The following PILRA variants were observed in gnomAD, a reference collection of about 807,000 sequenced individuals.
The protein encoded by PILRA is paired immunoglobulin-like type 2 receptor alpha.
A neutral mutation model predicts 33.1 loss-of-function variants in PILRA; 37 were observed. The ratio of observed to expected loss-of-function variants is 1.12; its 90% CI spans 0.86 to 1.47. PILRA has a LOEUF of 1.47. Among genes scored for constraint, PILRA ranks in the 40% most tolerant of loss-of-function variants. The pLI, the probability that PILRA is intolerant of heterozygous loss-of-function variation, is 0.00. For missense variants in PILRA, 312 were observed against 376.2 expected (o/e 0.83, Z 1.41); for synonymous variants, 146 against 149.9 (o/e 0.97, Z 0.19).
At chr7:100,382,509 C>T (rs1346028107) in intron 2 of PILRA, among the ~76,000 whole-genome samples, 1 of 152,174 alleles carries the variant, frequency 6.6e-6, no homozygotes, top group Non-Finnish European at 1.5e-5. Context: ...ACTTTTGTGT[C>T]TAGCTCAGGG....
At chr7:100,379,745 C>G (rs1212401826) in intron 2 of PILRA, among the ~76,000 whole-genome samples, 3 of 151,668 alleles carry the variant, frequency 2.0e-5, no homozygotes, top group Non-Finnish European at 4.4e-5. Flanking sequence ...TACCACCACC[C>G]TCTCCCAGAG....
Position 100,390,076 on chromosome 7 carries a change from A to C in PILRA, c.643A>C (p.Ile215Leu). ...TVLGIMILGL[I>L]CLLRWRRRKG... ...GCTCGGAATCATGATTTTGGGACTGATCTGCCTCCTCAGGTGGAGGAGAAG... is the reference window on the plus strand; with the variant it reads ...GCTCGGAATCATGATTTTGGGACTGCTCTGCCTCCTCAGGTGGAGGAGAAG... The change falls in exon 3 of 7, where the codon ATC becomes CTC. Residue 215 changes from isoleucine to leucine, a missense_variant. By Grantham distance (5) the Ile-to-Leu change is conservative. Coordinates refer to ENST00000198536, the MANE Select transcript of PILRA (RefSeq NM_013439.3). The C allele has an allele frequency of 6.2e-7, 1 of 1,613,996 alleles. No individual in the cohort carries two copies. Among genetic ancestry groups the C allele is most frequent in the Non-Finnish European group, 8.5e-7 (1 of 1,179,974 alleles).
upstream of PILRA, among the ~76,000 whole-genome samples, chr7:100,373,215 G>A (rs1790858897): frequency 6.6e-6 from 1 of 152,172 alleles, no homozygotes; most frequent in South Asian, 2.1e-4. Context: ...CAGAGATTCA[G>A]GCCTGCCTTT....
intron 3 of PILRA, among the ~76,000 whole-genome samples, chr7:100,397,438 G>A (rs1489367557): frequency 6.6e-6 from 1 of 152,004 alleles, no homozygotes; most frequent in Non-Finnish European, 1.5e-5. Context: ...TCCCAAGCAC[G>A]ACGCTCCCAA....
At chr7:100,396,478 C>A (rs1023820273) in intron 3 of PILRA, among the ~76,000 whole-genome samples, 7 of 152,030 alleles carry the variant, frequency 4.6e-5, no homozygotes, top group African/African-American at 1.7e-4. Context: ...CGTGGTGAAA[C>A]CCTGTCTCTA....
intron 3 of PILRA, among the ~76,000 whole-genome samples, chr7:100,392,651 A>ATT (rs1791413631): frequency 6.6e-6 from 1 of 152,236 alleles, no homozygotes; most frequent in Non-Finnish European, 1.5e-5. Flanking sequence ...ATATTCATAC[A>ATT]CAGATAAAGC....
At chr7:100,382,826 C>T (rs1034529916) in intron 2 of PILRA, among the ~76,000 whole-genome samples, 6 of 152,156 alleles carry the variant, frequency 3.9e-5, no homozygotes, top group Admixed American at 3.9e-4. Flanking sequence ...CTCTGGAAGC[C>T]AGCGAGACCA....
chr7:100,383,502 G>GC (rs982512485), intron 2 of PILRA, among the ~76,000 whole-genome samples: 7 of 152,206 alleles, frequency 4.6e-5, no homozygotes, highest in African/African-American at 1.4e-4. Context: ...CAGGGAAGAG[G>GC]CAGAGGGTGG....
At chr7:100,386,586 T>C (rs1388484900) in intron 2 of PILRA, among the ~76,000 whole-genome samples, 2 of 152,014 alleles carry the variant, frequency 1.3e-5, no homozygotes, top group African/African-American at 2.4e-5. Flanking sequence ...GGCACAATCA[T>C]AGATCACTGC....
At chr7:100,387,148 A>T (rs1322820804) in intron 2 of PILRA, among the ~76,000 whole-genome samples, 1 of 152,240 alleles carries the variant, frequency 6.6e-6, no homozygotes, top group Admixed American at 6.5e-5. Context: ...GAGCAGTAGG[A>T]TATAAATAAC....
At chr7:100,382,734 C>A (rs1366080951) in intron 2 of PILRA, among the ~76,000 whole-genome samples, 3 of 152,122 alleles carry the variant, frequency 2.0e-5, no homozygotes, top group Admixed American at 2.0e-4. Flanking sequence ...GCTTTTTGCA[C>A]TAAGTCTTGC....
At chr7:100,399,494 T>TAG in intron 5 of PILRA, 87 bp from the exon 6 acceptor site, 1 of 1,508,512 alleles carries the variant, frequency 6.6e-7, no homozygotes, top group Non-Finnish European at 9.2e-7. Flanking sequence ...ACCTAGCAGA[T>TAG]AACCTCACTC....
intron 2 of PILRA, among the ~76,000 whole-genome samples, chr7:100,383,889 G>A (rs577138570): frequency 6.6e-6 from 1 of 152,198 alleles, no homozygotes; most frequent in South Asian, 2.1e-4. Context: ...CGCCTGCCTC[G>A]GCCTCCCAAA....
At chr7:100,371,916 C>G (rs192283941), upstream of PILRA, among the ~76,000 whole-genome samples, 1 of 152,342 alleles carries the variant, frequency 6.6e-6, no homozygotes, top group African/African-American at 2.4e-5. Flanking sequence ...CATGTTGCAT[C>G]TAAGGAGACT....
chr7:100,371,528 A>G (rs1790811902), upstream of PILRA, among the ~76,000 whole-genome samples: 1 of 152,048 alleles, frequency 6.6e-6, no homozygotes, highest in African/African-American at 2.4e-5. Context: ...ACAGTAGGAT[A>G]CTTGTTGGGG....
chr7:100,387,129 G>A (rs574397757), intron 2 of PILRA, among the ~76,000 whole-genome samples: 25 of 152,294 alleles, frequency 1.6e-4, no homozygotes, highest in South Asian at 2.1e-4. Flanking sequence ...AGAACTTGGC[G>A]ATGACCTTGA....
chr7:100,373,095 A>G (rs975953736), upstream of PILRA, among the ~76,000 whole-genome samples: 1 of 151,658 alleles, frequency 6.6e-6, no homozygotes, highest in African/African-American at 2.4e-5. Context: ...AGGGAGAGGG[A>G]CAGAGGACAA....
intron 1 of PILRA, among the ~76,000 whole-genome samples, 155 bp from the exon 2 acceptor site, chr7:100,373,889 A>G (rs1167693226): frequency 6.6e-6 from 1 of 151,282 alleles, no homozygotes; most frequent in Non-Finnish European, 1.5e-5. Flanking sequence ...TCCCTCCCCC[A>G]TGCCTGAAGA....
chr7:100,371,460 C>T (rs566013337), upstream of PILRA, among the ~76,000 whole-genome samples: 11 of 151,962 alleles, frequency 7.2e-5, no homozygotes, highest in East Asian at 1.2e-3. Flanking sequence ...AAAGCAGGAA[C>T]GGTGGGTGCC....
Sources: gnomAD v4.1 joint callset for allele counts (sites outside exome capture counted in the v4.1 genomes callset) on GRCh38, gnomAD v4.1.1 for gene constraint, MANE v1.5 for transcripts, NCBI Gene and HGNC (gene_info 2026-07-23, HGNC 2026-07-21) for gene names.